DNAJC1: variants seen among roughly 807,000 people sequenced by gnomAD.
DNAJC1 encodes dnaJ homolog subfamily C member 1.
In DNAJC1, 58 loss-of-function variants were observed where a neutral mutation model predicts 76.6. The ratio of observed to expected loss-of-function variants is 0.76; its 90% CI spans 0.61 to 0.94. The LOEUF (loss-of-function observed/expected upper bound fraction) is 0.94, where lower values mean the gene tolerates loss of function less well. Ranked by LOEUF, DNAJC1 falls within the 40% of genes least tolerant of loss-of-function variation. The pLI is 0.00. For synonymous variants in DNAJC1, 258 were observed against 267.9 expected (o/e 0.96, Z 0.36); for missense variants, 689 against 677.3 (o/e 1.02, Z -0.19).
At chr10:21,984,932 T>C (rs577430550) in intron 1 of DNAJC1, among the ~76,000 whole-genome samples, 15 of 152,226 alleles carry the variant, frequency 9.9e-5, no homozygotes, top group African/African-American at 3.6e-4. Context: ...GGCCAAAGAG[T>C]GAAAATGTTT....
At chr10:21,814,788 G>A (rs1216529827) in intron 8 of DNAJC1, among the ~76,000 whole-genome samples, 1 of 152,168 alleles carries the variant, frequency 6.6e-6, no homozygotes, top group East Asian at 1.9e-4. Context: ...TTTATTAATA[G>A]AATGCTAAAT....
chr10:21,816,298 T>C (rs1452737842), intron 8 of DNAJC1, among the ~76,000 whole-genome samples: 1 of 151,782 alleles, frequency 6.6e-6, no homozygotes, highest in Non-Finnish European at 1.5e-5. Context: ...AGGAGGAGGT[T>C]GTAATGAGCC....
chr10:21,770,937 G>T (rs1044053239), intron 9 of DNAJC1, among the ~76,000 whole-genome samples: 1 of 152,068 alleles, frequency 6.6e-6, no homozygotes, highest in Non-Finnish European at 1.5e-5. Flanking sequence ...CTAAGGTCAG[G>T]AAGACTTAAG....
At chr10:21,771,605 C>T (rs1834378665) in intron 9 of DNAJC1, among the ~76,000 whole-genome samples, 1 of 152,092 alleles carries the variant, frequency 6.6e-6, no homozygotes, top group Non-Finnish European at 1.5e-5. Flanking sequence ...TCAAGTGATT[C>T]TCCTGCCTCA....
At chr10:21,914,030 C>T (rs557812995) in intron 6 of DNAJC1, among the ~76,000 whole-genome samples, 1 of 152,254 alleles carries the variant, frequency 6.6e-6, no homozygotes, top group South Asian at 2.1e-4. Flanking sequence ...ACCAGCCTTC[C>T]ATTCATTCAT....
chr10:21,860,027 A>ACCC (rs1306205450), intron 8 of DNAJC1, among the ~76,000 whole-genome samples: 1 of 151,786 alleles, frequency 6.6e-6, no homozygotes, highest in Admixed American at 6.6e-5. Context: ...CAAGTGATCC[A>ACCC]CCCCTTCGGC....
intron 1 of DNAJC1, among the ~76,000 whole-genome samples, chr10:21,959,520 G>A (rs1837750909): frequency 6.6e-6 from 1 of 152,118 alleles, no homozygotes; most frequent in Non-Finnish European, 1.5e-5. Flanking sequence ...GCCAAGCACT[G>A]TGGCTCATGC....
chr10:21,795,068 G>A (rs1446817754), intron 9 of DNAJC1, among the ~76,000 whole-genome samples: 1 of 151,546 alleles, frequency 6.6e-6, no homozygotes, highest in South Asian at 2.1e-4. Flanking sequence ...TTTCAGATTT[G>A]GGATGTCTAA....
intron 8 of DNAJC1, among the ~76,000 whole-genome samples, chr10:21,837,825 T>C (rs1490812661): frequency 8.8e-6 from 1 of 113,612 alleles, no homozygotes; most frequent in Non-Finnish European, 1.8e-5. Flanking sequence ...GGGAGGGAGG[T>C]GGGGGGCAGC....
intron 8 of DNAJC1, 150 bp downstream of exon 8, chr10:21,882,132 T>G: frequency 1.4e-6 from 1 of 704,514 alleles, no homozygotes; most frequent in Non-Finnish European, 2.1e-6. Flanking sequence ...CCAGCCTGGG[T>G]GACAGAGCGA....
chr10:21,829,293 C>T (rs1164455190), intron 8 of DNAJC1, among the ~76,000 whole-genome samples: 2 of 151,950 alleles, frequency 1.3e-5, no homozygotes, highest in African/African-American at 4.8e-5. Context: ...TGGCTCACTG[C>T]AGCTCCGCCT....
chr10:21,792,367 G>A (rs1834699729), intron 9 of DNAJC1, among the ~76,000 whole-genome samples: 2 of 152,142 alleles, frequency 1.3e-5, no homozygotes, highest in South Asian at 4.1e-4. Flanking sequence ...ATTCTATGAG[G>A]CTAGCATTAC....
At chr10:21,858,516 G>A (rs954447003) in intron 8 of DNAJC1, among the ~76,000 whole-genome samples, 1 of 152,182 alleles carries the variant, frequency 6.6e-6, no homozygotes, top group African/African-American at 2.4e-5. Context: ...TTTCATGGAA[G>A]AAAATACTGG....
chr10:21,777,573 CACCTCAGGAA>C (rs1834468026), intron 9 of DNAJC1, among the ~76,000 whole-genome samples: 1 of 152,152 alleles, frequency 6.6e-6, no homozygotes, highest in African/African-American at 2.4e-5. Flanking sequence ...TTTAGCCCAG[CACCTCAGGAA>C]ACCAAGTGAT....
chr10:21,844,136 G>T (rs1835618307), intron 8 of DNAJC1, among the ~76,000 whole-genome samples: 1 of 152,136 alleles, frequency 6.6e-6, no homozygotes, highest in Non-Finnish European at 1.5e-5. Flanking sequence ...GGAACTGTAA[G>T]TCAATTAAAC....
At chr10:21,878,919 T>A (rs548408301) in intron 8 of DNAJC1, among the ~76,000 whole-genome samples, 1 of 152,162 alleles carries the variant, frequency 6.6e-6, no homozygotes, top group South Asian at 2.1e-4. Context: ...AAAAATAAAT[T>A]GTGCTATATT....
chr10:21,790,123 A>T (rs1172251835), intron 9 of DNAJC1, among the ~76,000 whole-genome samples: 7 of 151,160 alleles, frequency 4.6e-5, no homozygotes, highest in Admixed American at 4.6e-4. Flanking sequence ...TTACCCAGTT[A>T]GAGAAAGAAA....
chr10:21,803,897 A>T, intron 9 of DNAJC1: 1 of 983,938 alleles, frequency 1.0e-6, no homozygotes, highest in Non-Finnish European at 1.2e-6. Context: ...CAAAAAAAAA[A>T]TCACTTCACA....
intron 1 of DNAJC1, among the ~76,000 whole-genome samples, chr10:21,981,962 C>A (rs1476311104): frequency 6.6e-6 from 1 of 152,148 alleles, no homozygotes; most frequent in Non-Finnish European, 1.5e-5. Context: ...CCCCACCAAC[C>A]CCCAGGCGAT....
Sources: allele counts gnomAD v4.1 joint callset (sites outside exome capture counted in the v4.1 genomes callset), GRCh38; gene constraint gnomAD v4.1.1; transcripts MANE v1.5; gene names NCBI Gene and HGNC (gene_info 2026-07-23, HGNC 2026-07-21).